The following BRINP2 variants were observed in gnomAD, a reference collection of about 807,000 sequenced individuals.
BRINP2 encodes the protein BMP/retinoic acid-inducible neural-specific protein 2.
A neutral mutation model predicts 69.2 loss-of-function variants in BRINP2; 21 were observed. The observed-to-expected ratio is 0.30, with a 90% CI of 0.22 to 0.44. The LOEUF (loss-of-function observed/expected upper bound fraction) is 0.44. Ranked by LOEUF, BRINP2 falls within the 20% of genes least tolerant of loss-of-function variation. The pLI, the probability that BRINP2 is intolerant of heterozygous loss-of-function variation, is 1.00. For synonymous variants in BRINP2, 380 were observed against 394.1 expected (o/e 0.96, Z 0.42); for missense variants, 877 against 986.0 (o/e 0.89, Z 1.48).
At chr1:177,256,587 T>TG in intron 3 of BRINP2, 1 of 984,422 alleles carries the variant, frequency 1.0e-6, no homozygotes, top group Non-Finnish European at 1.2e-6. Context: ...GGGCGGAGAG[T>TG]GGGGGTAGGG....
intron 4 of BRINP2, among the ~76,000 whole-genome samples, chr1:177,263,131 G>T (rs1263007436): frequency 6.6e-6 from 1 of 152,210 alleles, no homozygotes; most frequent in Non-Finnish European, 1.5e-5. Context: ...CTTTGAGGAT[G>T]CTAGAAAGTG....
At chr1:177,180,955 C>A (rs1648227563) in intron 1 of BRINP2, among the ~76,000 whole-genome samples, 1 of 152,190 alleles carries the variant, frequency 6.6e-6, no homozygotes, top group Non-Finnish European at 1.5e-5. Flanking sequence ...AGTTCAATGT[C>A]TATGAATGAG....
chr1:177,208,372 G>T (rs1374955281), intron 1 of BRINP2, among the ~76,000 whole-genome samples: 1 of 152,180 alleles, frequency 6.6e-6, no homozygotes, highest in Non-Finnish European at 1.5e-5. Flanking sequence ...ATTTGGGAAG[G>T]ATAGTTTTGT....
intron 1 of BRINP2, among the ~76,000 whole-genome samples, chr1:177,198,883 A>G (rs181085738): frequency 1.3e-5 from 2 of 152,318 alleles, no homozygotes; most frequent in East Asian, 3.9e-4. Flanking sequence ...GAGAAGAGCC[A>G]CTTTTACTTT....
At chr1:177,209,718 C>T (rs998724323) in intron 1 of BRINP2, among the ~76,000 whole-genome samples, 1 of 151,596 alleles carries the variant, frequency 6.6e-6, no homozygotes, top group Non-Finnish European at 1.5e-5. Flanking sequence ...CCGGTAAGAA[C>T]AGCTAACACT....
chr1:177,190,691 C>CA (rs1648560028), intron 1 of BRINP2, among the ~76,000 whole-genome samples: 4 of 152,250 alleles, frequency 2.6e-5, no homozygotes, highest in African/African-American at 9.6e-5. Flanking sequence ...CATTGGGTCC[C>CA]AGTCTGTCTG....
chr1:177,280,446 C>G lies in BRINP2; in HGVS notation c.1270C>G (p.Leu424Val). ...LSYWWNRIQS[L>V]LYCGESTFPG... The stretch of plus-strand genomic sequence containing the variant: ...CTACTGGTGGAACCGAATCCAGTCC[C>G]TCCTCTACTGTGGGGAAAGCACCTT... Residue 424 changes from leucine (L) to valine (V), a missense_variant, in exon 8 of 8, where the codon CTC (leucine) becomes GTC (valine). By Grantham distance (32) the Leu-to-Val change is conservative. Transcript: ENST00000361539. 1 of 1,613,384 alleles carries G rather than the reference C, an allele frequency of 6.2e-7. No individual in the cohort carries two copies. The highest frequency in any genetic ancestry group is 8.5e-7 in the Non-Finnish European group (1 of 1,179,622).
In BRINP2 at chr1:177,230,087, T is replaced by A. The variant is rs756920458; in HGVS notation, c.211T>A (p.Tyr71Asn). ...GGGCCCCTTCCACCGCGCTCAGGAG[T>A]ATGCTGACTTCATGGAGCGGTACCG... is the stretch of plus-strand genomic sequence containing the variant. ...DRGPFHRAQEYADFMERYRQG... is the reference protein window; with the variant it reads ...DRGPFHRAQENADFMERYRQG... The change falls in exon 2 of 8, where the codon TAT (tyrosine) becomes AAT (asparagine). Residue 71 changes from tyrosine (Y) to asparagine (N), a missense_variant. By Grantham distance (143) the Tyr-to-Asn change is moderately radical (BLOSUM62 -2). Coordinates refer to ENST00000361539, the MANE Select transcript of BRINP2 (RefSeq NM_021165.4). The A allele has an allele frequency of 2.2e-5, 35 of 1,613,104 alleles. No individual in the cohort carries two copies. The highest frequency in any genetic ancestry group is 2.7e-5 in the Non-Finnish European group (32 of 1,179,832).
At chr1:177,218,995 T>C (rs1485514174) in intron 1 of BRINP2, among the ~76,000 whole-genome samples, 1 of 152,170 alleles carries the variant, frequency 6.6e-6, no homozygotes, top group Admixed American at 6.5e-5. Flanking sequence ...TGCTAATATA[T>C]AAGCTTTGGT....
intron 1 of BRINP2, among the ~76,000 whole-genome samples, chr1:177,175,592 C>T (rs1648066572): frequency 6.6e-6 from 1 of 152,126 alleles, no homozygotes; most frequent in Non-Finnish European, 1.5e-5. Context: ...GCTTGGGTGG[C>T]CCCATTCCAA....
chr1:177,281,296 C>A lies in BRINP2; in HGVS notation c.2120C>A (p.Pro707Gln). Residue 707 changes from proline (P) to glutamine (Q), a missense_variant, in exon 8 of 8, where the codon CCA becomes CAA. Pro to Gln is a moderately conservative substitution (Grantham distance 76). Transcript: ENST00000361539. ...GACTTAATTCTCCAGTTGGACTACC[C>A]ATATACTCAAGGTTCCCAGGACTCT... ...IRDLILQLDY[P>Q]YTQGSQDSAL... 6.2e-7 allele frequency: 1 copy of A among 1,614,142 alleles called. No homozygotes were observed. Among genetic ancestry groups the A allele is most frequent in the Non-Finnish European group, 8.5e-7 (1 of 1,180,028 alleles).
intron 1 of BRINP2, among the ~76,000 whole-genome samples, chr1:177,208,530 T>C (rs1649127265): frequency 6.6e-6 from 1 of 152,306 alleles, no homozygotes; most frequent in Non-Finnish European, 1.5e-5. Context: ...TTCAGAGAAA[T>C]GCATCCCAGG....
chr1:177,252,480 T>G (rs1371192905), intron 2 of BRINP2, among the ~76,000 whole-genome samples: 1 of 152,176 alleles, frequency 6.6e-6, no homozygotes, highest in Non-Finnish European at 1.5e-5. Flanking sequence ...AACAGTGTAT[T>G]GGTGTGATGT....
chr1:177,187,439 C>T (rs1173063040), intron 1 of BRINP2, among the ~76,000 whole-genome samples: 1 of 152,152 alleles, frequency 6.6e-6, no homozygotes, highest in Non-Finnish European at 1.5e-5. Flanking sequence ...TTTTTCTTCC[C>T]AAACTAAGCA....
At chr1:177,245,322 A>G (rs1312665659) in intron 2 of BRINP2, among the ~76,000 whole-genome samples, 1 of 152,136 alleles carries the variant, frequency 6.6e-6, no homozygotes, top group Non-Finnish European at 1.5e-5. Flanking sequence ...ATGTAGGCCT[A>G]GGAATCTGGA....
At chr1:177,240,329 GCTGGTT>G (rs981269392) in intron 2 of BRINP2, among the ~76,000 whole-genome samples, 3 of 152,140 alleles carry the variant, frequency 2.0e-5, no homozygotes, top group Admixed American at 2.0e-4. Flanking sequence ...CTCTTGCTTG[GCTGGTT>G]CTGTGTATGT....
At chr1:177,218,979 A>G (rs902995594) in intron 1 of BRINP2, among the ~76,000 whole-genome samples, 19 of 152,166 alleles carry the variant, frequency 1.2e-4, no homozygotes, top group African/African-American at 4.3e-4. Context: ...CTATTATTAA[A>G]TAGATTGCTA....
chr1:177,174,599 G>A (rs1445060749), intron 1 of BRINP2, among the ~76,000 whole-genome samples: 3 of 152,224 alleles, frequency 2.0e-5, no homozygotes, highest in Non-Finnish European at 2.9e-5. Flanking sequence ...GTTGAGCCAT[G>A]AGGGATGCGG....
In BRINP2 at chr1:177,280,425, T is replaced by C; in HGVS notation, c.1249T>C (p.Trp417Arg). ...CTGCTCCCCAAGGTCCTTGTCCTAC[T>C]GGTGGAACCGAATCCAGTCCCTCCT... ...RLPKERSLSY[W>R]WNRIQSLLYC... Residue 417 changes from tryptophan (W) to arginine (R), a missense_variant, in exon 8 of 8, where the codon TGG (tryptophan) becomes CGG (arginine). By Grantham distance (101) the Trp-to-Arg change is moderately radical. Around this residue, in one of 3 missense-constraint regions of BRINP2, gnomAD observed 566 missense variants for 625.2 expected, o/e 0.91. Coordinates refer to ENST00000361539, the MANE Select transcript of BRINP2 (RefSeq NM_021165.4). 1.2e-6 allele frequency: 2 copies of C among 1,608,142 alleles called. No homozygotes were observed. The highest frequency in any genetic ancestry group is 1.7e-6 in the Non-Finnish European group (2 of 1,176,980).
Sources: gnomAD v4.1 joint callset for allele counts (sites outside exome capture counted in the v4.1 genomes callset) on GRCh38, gnomAD v4.1.1 for gene constraint, gnomAD v4.1.1 regional missense constraint, MANE v1.5 for transcripts, NCBI Gene and HGNC (gene_info 2026-07-23, HGNC 2026-07-21) for gene names.